Variants in AK7 observed in about 807,000 individuals in gnomAD.
AK7 encodes the protein ATP-AMP transphosphorylase 7.
AK7 carries 78 observed loss-of-function variants against 96.6 expected under a neutral mutation model. That is an observed-to-expected ratio of 0.81 (90% CI 0.67 to 0.97). The LOEUF (loss-of-function observed/expected upper bound fraction) is 0.97. Among genes scored for constraint, AK7 ranks in the 50% least tolerant of loss-of-function variants. The pLI is 0.00. For synonymous variants in AK7, 302 were observed against 317.2 expected (o/e 0.95, Z 0.51); for missense variants, 855 against 887.9 (o/e 0.96, Z 0.47).
At chr14:96,451,315 G>C in intron 9 of AK7, 106 bp from the exon 10 acceptor site, 2 of 977,032 alleles carry the variant, frequency 2.0e-6, no homozygotes, top group Non-Finnish European at 2.9e-6. Flanking sequence ...TCCACGTTTA[G>C]TGAATGTATA....
chr14:96,484,110 A>G (rs1245094067), intron 16 of AK7, among the ~76,000 whole-genome samples: 1 of 152,112 alleles, frequency 6.6e-6, no homozygotes, highest in Non-Finnish European at 1.5e-5. Context: ...TGTAGCCCCA[A>G]CTACTAGGGA....
In AK7 at chr14:96,399,951, C is replaced by G. The variant is rs1303228314; in HGVS notation, c.294+1688C>G. Among the ~76,000 whole-genome samples the G allele has an allele frequency of 6.6e-6, 1 of 151,930 alleles. No homozygotes were observed. The highest frequency in any genetic ancestry group is 2.4e-5 in the African/African-American group (1 of 41,358). On this transcript the variant is annotated intron_variant, in intron 2 of 17. Coordinates refer to ENST00000267584, the MANE Select transcript of AK7 (RefSeq NM_152327.5). This position sits in a 1 kb window ranked among gnomAD's most constrained non-coding sequence, Gnocchi z 4.1. ...CTCCAAATCCGACTGCCTCCTAGACCAGTCCCCGGTTGTCCTGCAGGCATT... is the reference window on the plus strand; with the variant it reads ...CTCCAAATCCGACTGCCTCCTAGACGAGTCCCCGGTTGTCCTGCAGGCATT...
intron 6 of AK7, among the ~76,000 whole-genome samples, chr14:96,442,360 A>ATCTT (rs1893005185): frequency 6.6e-6 from 1 of 152,250 alleles, no homozygotes; most frequent in Non-Finnish European, 1.5e-5. Context: ...ATGCATGTGA[A>ATCTT]AACATTTCTT....
At position 96,451,568 on chromosome 14, in the gene AK7, A is replaced by G. The variant is rs945994072; in HGVS notation, c.1096A>G (p.Met366Val). Residue 366 changes from methionine to valine, a missense_variant and splice_region_variant, in exon 10 of 18, where the codon ATG becomes GTG. Coordinates refer to ENST00000267584, the MANE Select transcript of AK7 (RefSeq NM_152327.5). The stretch of plus-strand genomic sequence containing the variant: ...GGAGTACAAGCAAAGCAGAGGATTG[A>G]TGGTAACTATCACTGTTTCCCACTG... ...LKEYKQSRGLMPIKICILGPP... is the reference protein window; with the variant it reads ...LKEYKQSRGLVPIKICILGPP... 1.3e-6 allele frequency: 2 copies of G among 1,505,422 alleles called. No homozygotes were observed. Among genetic ancestry groups the G allele is most frequent in the Admixed American group, 4.0e-5 (2 of 49,684 alleles). The allele number at this position is 1,505,422 out of a possible 1,614,324, so 93.3% of individuals were successfully genotyped here.
At chr14:96,470,290 T>C (rs754092230) in intron 12 of AK7, among the ~76,000 whole-genome samples, 4 of 151,794 alleles carry the variant, frequency 2.6e-5, no homozygotes, top group Admixed American at 2.6e-4. Context: ...GGGGAGTCAC[T>C]GATAAGGTAA....
At chr14:96,424,324 T>C (rs1891899330) in intron 5 of AK7, 1 of 377,124 alleles carries the variant, frequency 2.7e-6, no homozygotes, top group Admixed American at 4.9e-5. Flanking sequence ...GAGGGCTTAC[T>C]GTGTTCTCAG....
At chr14:96,446,661 C>A in intron 8 of AK7, 54 bp downstream of exon 8, 1 of 1,546,098 alleles carries the variant, frequency 6.5e-7, no homozygotes, top group Non-Finnish European at 8.9e-7. Context: ...GTTTTGCTGG[C>A]TGGGCGCGGT....
Position 96,446,743 on chromosome 14 carries a change from C to T in AK7, c.870+136C>T, listed in dbSNP as rs181800486. ...ATCACCTGAGGTCAGGAGCTCAAGA[C>T]CAGCCTGACCAACATGATGAAACCC... is the stretch of plus-strand genomic sequence containing the variant. On this transcript the variant is annotated intron_variant, in intron 8 of 17. Coordinates refer to ENST00000267584, the MANE Select transcript of AK7 (RefSeq NM_152327.5). The T allele has an allele frequency of 8.0e-4, 501 of 629,572 alleles. 1 individual carries two copies. The highest frequency in any genetic ancestry group is 3.5e-3 in the Middle Eastern group (8 of 2,280). The allele number at this position is 629,572 out of a possible 1,614,324, so 39.0% of individuals were successfully genotyped here.
At chr14:96,453,896 G>A (rs1269116733) in intron 10 of AK7, among the ~76,000 whole-genome samples, 1 of 152,062 alleles carries the variant, frequency 6.6e-6, no homozygotes, top group Admixed American at 6.6e-5. Flanking sequence ...CTTGGTGAAT[G>A]CACTGCACCT....
chr14:96,442,884 C>G, intron 7 of AK7, 66 bp downstream of exon 7: 1 of 1,447,316 alleles, frequency 6.9e-7, no homozygotes, highest in African/African-American at 1.4e-5. Context: ...TAGCCTAATA[C>G]TTTTTGAGCA....
chr14:96,415,044 C>T (rs1240398745), intron 4 of AK7, among the ~76,000 whole-genome samples: 4 of 151,780 alleles, frequency 2.6e-5, no homozygotes, highest in South Asian at 2.1e-4. Flanking sequence ...TGTGAATGAC[C>T]GAACATGGCT....
intron 16 of AK7, among the ~76,000 whole-genome samples, chr14:96,484,328 G>A (rs1452314145): frequency 3.3e-5 from 5 of 152,194 alleles, no homozygotes; most frequent in South Asian, 2.1e-4. Context: ...TTTCTCATCC[G>A]AATTACGCAG....
At position 96,478,330 on chromosome 14, in the gene AK7, A is replaced by G. The variant is rs574472152; in HGVS notation, c.1556-135A>G. The G allele has an allele frequency of 3.6e-4, 292 of 818,424 alleles. 1 individual carries two copies. In the South Asian group the frequency reaches 4.0e-3, roughly 11 times the overall value. The allele number at this position is 818,424 out of a possible 1,614,324, so 50.7% of individuals were successfully genotyped here. On this transcript the variant is annotated intron_variant, in intron 14 of 17. Coordinates refer to ENST00000267584, the MANE Select transcript of AK7 (RefSeq NM_152327.5). Reference sequence around the variant, plus strand: ...CATCTATTTATCCTCCATGAGAGGCAGCAAAGCCAATTGGACAGGCTATTT... The same window carrying G: ...CATCTATTTATCCTCCATGAGAGGCGGCAAAGCCAATTGGACAGGCTATTT...
At chr14:96,479,441 C>G (rs970198139) in intron 15 of AK7, among the ~76,000 whole-genome samples, 47 of 151,488 alleles carry the variant, frequency 3.1e-4, no homozygotes, top group Admixed American at 3.3e-4. Context: ...TGGGCCATTC[C>G]CCCAGGTTCC....
chr14:96,477,677 T>C (rs1267157513), intron 14 of AK7, among the ~76,000 whole-genome samples: 1 of 152,264 alleles, frequency 6.6e-6, no homozygotes, highest in African/African-American at 2.4e-5. Context: ...ATGGTCATCA[T>C]TATTAACATG....
chr14:96,403,114 T>TTAAATAAATAAATAAA lies in AK7; in HGVS notation c.295-1617_295-1602dup, dbSNP rs59930782. Among the ~76,000 whole-genome samples, 822 of 140,366 alleles carry TTAAATAAATAAATAAA rather than the reference T, an allele frequency of 5.9e-3. 3 individuals carry two copies. Among genetic ancestry groups the TTAAATAAATAAATAAA allele is most frequent in the East Asian group, 0.017 (82 of 4,706 alleles). The allele number at this position is 140,366 out of a possible 152,430, so 92.1% of individuals were successfully genotyped here. On this transcript the variant is annotated intron_variant, in intron 2 of 17. Coordinates refer to ENST00000267584, the MANE Select transcript of AK7 (RefSeq NM_152327.5). Reference sequence around the variant, plus strand: ...CTGGGCAACAGAGCAAGACTCTGTCTTAAATAAATAAATAAATAAATAAAT... The same window carrying TTAAATAAATAAATAAA: ...CTGGGCAACAGAGCAAGACTCTGTCTTAAATAAATAAATAAATAAATAAATAAATAAATAAATAAAT...
rs112926770 is a variant in AK7, at chr14:96,449,885, T to C, written c.948+6T>C. Reference sequence around the variant, plus strand: ...ACCTAACCAAGGACTTAACGGTTAGTATATGCGGTGTTTTTTTTTTTTTAA... The same window carrying C: ...ACCTAACCAAGGACTTAACGGTTAGCATATGCGGTGTTTTTTTTTTTTTAA... On this transcript the variant is annotated splice_donor_region_variant and intron_variant, in intron 9 of 17. Coordinates refer to ENST00000267584, the MANE Select transcript of AK7 (RefSeq NM_152327.5). 1 of 1,527,058 alleles carries C rather than the reference T, an allele frequency of 6.5e-7. No homozygotes were observed. The highest frequency in any genetic ancestry group is 1.2e-5 in the South Asian group (1 of 82,542). The allele number at this position is 1,527,058 out of a possible 1,614,324, so 94.6% of individuals were successfully genotyped here.
In AK7 at chr14:96,486,929, A is replaced by G; in HGVS notation, c.2006A>G (p.Glu669Gly). ...CGACTGGAGGAAGTGAAAAGAGAAG[A>G]AAGAGAATTACTGGAGGCTCAGTCA... ...NKRLEEVKRE[E>G]RELLEAQSIP... Residue 669 changes from glutamate (E) to glycine (G), a missense_variant, in exon 17 of 18, where the codon GAA (glutamate) becomes GGA (glycine). Glu to Gly is a moderately conservative substitution (Grantham distance 98). Coordinates refer to ENST00000267584, the MANE Select transcript of AK7 (RefSeq NM_152327.5). 1 of 1,614,064 alleles carries G rather than the reference A, an allele frequency of 6.2e-7. No individual in the cohort carries two copies.
intron 17 of AK7, chr14:96,488,022 C>T (rs1311592598): frequency 2.0e-5 from 8 of 400,456 alleles, no homozygotes; most frequent in Non-Finnish European, 3.8e-5. Flanking sequence ...AAGTGATTCT[C>T]CTGCCTTAGC....
Sources: gnomAD v4.1 joint callset for allele counts (sites outside exome capture counted in the v4.1 genomes callset) on GRCh38, gnomAD v4.1.1 for gene constraint, Gnocchi (gnomAD v3.1) non-coding constraint, MANE v1.5 for transcripts, NCBI Gene and HGNC (gene_info 2026-07-23, HGNC 2026-07-21) for gene names.